DLEU7: variants seen among roughly 807,000 people sequenced by gnomAD.
The protein encoded by DLEU7 is leukemia-associated protein 7.
Under a neutral mutation model 16.0 loss-of-function variants are expected in DLEU7, and 17 were observed. The ratio of observed to expected loss-of-function variants is 1.06; its 90% confidence interval spans 0.73 to 1.59. The LOEUF is 1.59. Ranked by LOEUF, DLEU7 falls within the 40% of genes most tolerant of loss-of-function variation. The pLI, the probability that DLEU7 is intolerant of heterozygous loss-of-function variation, is 0.00. For synonymous variants in DLEU7, 113 were observed against 139.8 expected (o/e 0.81, Z 1.35); for missense variants, 308 against 314.9 (o/e 0.98, Z 0.17).
intron 1 of DLEU7, among the ~76,000 whole-genome samples, chr13:50,834,154 AC>A (rs201927574): frequency 0.2 from 30,619 of 151,330 alleles, 3,756 homozygotes; most frequent in Non-Finnish European, 0.28. Context: ...ACTAAAACAC[AC>A]AAAAAAAATG....
intron 1 of DLEU7, among the ~76,000 whole-genome samples, chr13:50,774,401 A>G (rs920946992): frequency 4.6e-5 from 7 of 152,172 alleles, no homozygotes; most frequent in African/African-American, 1.4e-4. Context: ...CCATCTTGGA[A>G]TGGATCCTCC....
intron 1 of DLEU7, among the ~76,000 whole-genome samples, chr13:50,788,036 C>T (rs1875844392): frequency 6.6e-6 from 1 of 152,168 alleles, no homozygotes; most frequent in Admixed American, 6.5e-5. Flanking sequence ...CAGGCGTTTC[C>T]CCAGCACCAT....
intron 1 of DLEU7, among the ~76,000 whole-genome samples, chr13:50,836,828 C>A (rs1593418133): frequency 1.3e-5 from 2 of 152,330 alleles, no homozygotes; most frequent in East Asian, 3.9e-4. Context: ...AACAAAAGAA[C>A]ACAAATCCCT....
In DLEU7 at chr13:50,823,424, T is replaced by C; in HGVS notation, c.556A>G (p.Lys186Glu). ...RDLNAAHQCL[K>E]TIVKKLIQSL... ...TGAATCAGCTTCTTGACTATTGTCT[T>C]CAAACACTGGTGGGCAGCATTCAAG... The change falls in exon 2 of 2, where the codon AAG (lysine) becomes GAG (glutamate). Residue 186 changes from lysine to glutamate, a missense_variant. Coordinates refer to ENST00000504404, the MANE Select transcript of DLEU7 (RefSeq NM_001306135.2). The C allele has an allele frequency of 6.5e-7, 1 of 1,535,954 alleles. No homozygotes were observed. The highest frequency in any genetic ancestry group is 1.7e-4 in the Middle Eastern group (1 of 5,986).
intron 1 of DLEU7, among the ~76,000 whole-genome samples, chr13:50,756,174 T>C (rs1874752726): frequency 6.6e-6 from 1 of 152,232 alleles, no homozygotes; most frequent in Admixed American, 6.5e-5. Context: ...TTTAATGTTC[T>C]ATTTTTGTGC....
chr13:50,738,636 C>G (rs1158269005), intron 1 of DLEU7, among the ~76,000 whole-genome samples: 1 of 152,074 alleles, frequency 6.6e-6, no homozygotes, highest in Non-Finnish European at 1.5e-5. Context: ...GCTACCTACA[C>G]AGCAAATCAT....
downstream of DLEU7, among the ~76,000 whole-genome samples, chr13:50,819,447 T>C (rs532267207): frequency 2.4e-4 from 36 of 152,258 alleles, no homozygotes; most frequent in African/African-American, 7.7e-4. Context: ...CTGTGGCTGA[T>C]GTGTGGAGAA....
chr13:50,744,553 G>C (rs1420869346), intron 1 of DLEU7, among the ~76,000 whole-genome samples: 2 of 152,128 alleles, frequency 1.3e-5, no homozygotes, highest in African/African-American at 4.8e-5. Context: ...GAACGCTTTA[G>C]ACAAGAGAGG....
intron 1 of DLEU7, among the ~76,000 whole-genome samples, chr13:50,771,772 T>C (rs1309027609): frequency 6.6e-6 from 1 of 152,224 alleles, no homozygotes; most frequent in African/African-American, 2.4e-5. Flanking sequence ...TGTAGATGTC[T>C]ATTAGGTCTG....
intron 1 of DLEU7, among the ~76,000 whole-genome samples, chr13:50,803,007 T>C (rs1876291413): frequency 6.6e-6 from 1 of 152,192 alleles, no homozygotes; most frequent in Non-Finnish European, 1.5e-5. Context: ...TTTAACCTGT[T>C]CCCTATTGAT....
chr13:50,755,334 A>G (rs1464128747), intron 1 of DLEU7, among the ~76,000 whole-genome samples: 1 of 152,164 alleles, frequency 6.6e-6, no homozygotes, highest in Non-Finnish European at 1.5e-5. Flanking sequence ...GATTATTCTT[A>G]GGTTTGGTTG....
intron 1 of DLEU7, among the ~76,000 whole-genome samples, chr13:50,755,294 C>T (rs662245): frequency 0.47 from 72,119 of 152,034 alleles, 18,146 homozygotes; most frequent in African/African-American, 0.63. Context: ...TTTCCAAACT[C>T]TTAGATTTCT....
chr13:50,762,142 G>C (rs1210979310), intron 1 of DLEU7, among the ~76,000 whole-genome samples: 1 of 129,650 alleles, frequency 7.7e-6, no homozygotes, highest in Non-Finnish European at 1.5e-5. Flanking sequence ...AGTGAGCCAA[G>C]ATCGCACCAC....
intron 1 of DLEU7, among the ~76,000 whole-genome samples, chr13:50,744,380 T>C (rs79238359): frequency 0.04 from 6,082 of 152,290 alleles, 392 homozygotes; most frequent in African/African-American, 0.13. Flanking sequence ...TGCTTAATGG[T>C]TCCTTATATT....
chr13:50,831,690 C>T (rs996853803), intron 1 of DLEU7, among the ~76,000 whole-genome samples: 5 of 152,190 alleles, frequency 3.3e-5, no homozygotes, highest in Non-Finnish European at 7.3e-5. Flanking sequence ...GCAAGCTTGA[C>T]TCATTCTATA....
rs565127840 is a variant in DLEU7 at position 50,734,367 on chromosome 13, C to T, written c.460-21127G>A. On this transcript the variant is annotated intron_variant, in intron 1 of 1. Coordinates refer to the DLEU7 transcript ENST00000400393. The stretch of plus-strand genomic sequence containing the variant: ...AATCTTCAATAAGGCTGCTTTCCAC[C>T]TTATCGTCCTCTGAGTAACCTAATT... 6.6e-5 allele frequency among the ~76,000 whole-genome samples: 10 copies of T among 152,270 alleles called. No homozygotes were observed. The South Asian group carries it at 1.9e-3, about 28-fold the overall frequency.
At chr13:50,722,847 T>A (rs1287508798) in intron 1 of DLEU7, among the ~76,000 whole-genome samples, 1 of 152,246 alleles carries the variant, frequency 6.6e-6, no homozygotes, top group Non-Finnish European at 1.5e-5. Context: ...CTGTGTACCC[T>A]TTATCTAATT....
At chr13:50,793,292 A>G (rs893471014) in intron 1 of DLEU7, among the ~76,000 whole-genome samples, 1 of 152,128 alleles carries the variant, frequency 6.6e-6, no homozygotes, top group Non-Finnish European at 1.5e-5. Context: ...TTGATGAGCA[A>G]CTGGGTTGAT....
downstream of DLEU7, among the ~76,000 whole-genome samples, chr13:50,821,334 G>T (rs1876897458): frequency 6.6e-6 from 1 of 151,970 alleles, no homozygotes; most frequent in Non-Finnish European, 1.5e-5. Context: ...ATGGGGTGGG[G>T]GAGGGGTGTA....
Sources: allele counts gnomAD v4.1 joint callset (sites outside exome capture counted in the v4.1 genomes callset), GRCh38; gene constraint gnomAD v4.1.1; transcripts MANE v1.5; gene names NCBI Gene and HGNC (gene_info 2026-07-23, HGNC 2026-07-21).